The following COL13A1 variants were observed in gnomAD, a reference collection of about 807,000 sequenced individuals.
The protein encoded by COL13A1 is collagen type XIII alpha 1 chain.
In COL13A1, 89 loss-of-function variants were observed where a neutral mutation model predicts 130.9. That is an observed-to-expected ratio of 0.68 (90% confidence interval 0.57 to 0.81). COL13A1 has a LOEUF of 0.81. Among genes scored for constraint, COL13A1 ranks in the 30% least tolerant of loss-of-function variants. The probability of loss-of-function intolerance (pLI) is 0.00; values close to 1 mark genes in which losing one functional copy is unlikely to be tolerated. For synonymous variants in COL13A1, 402 were observed against 341.6 expected, an observed-to-expected ratio of 1.18 and a Z score of -1.95; for missense variants, 879 against 934.6, an observed-to-expected ratio of 0.94 and a Z score of 0.78.
chr10:69,913,331 C>T (rs957691113), intron 17 of COL13A1, among the ~76,000 whole-genome samples: 1 of 152,162 alleles, frequency 6.6e-6, no homozygotes. Context: ...TCTGGGGAGA[C>T]AAGAGGGGGC....
At chr10:69,905,065 C>T in intron 16 of COL13A1, 106 bp downstream of exon 16, 2 of 1,290,946 alleles carry the variant, frequency 1.5e-6, no homozygotes, top group South Asian at 2.7e-5. Context: ...AGAGGGATCT[C>T]AGCTGAGAGA....
At chr10:69,889,501 A>G in intron 10 of COL13A1, 61 bp downstream of exon 10, 2 of 1,588,600 alleles carry the variant, frequency 1.3e-6, no homozygotes, top group African/African-American at 1.3e-5. Context: ...CCTCACAGGC[A>G]CAGCCAAGCA....
intron 2 of COL13A1, among the ~76,000 whole-genome samples, chr10:69,835,727 G>A (rs901800217): frequency 6.6e-6 from 1 of 152,232 alleles, no homozygotes; most frequent in Non-Finnish European, 1.5e-5. Flanking sequence ...AGGGACCCAA[G>A]TGCTACCCTG....
At chr10:69,909,985 C>T (rs575250563) in intron 17 of COL13A1, among the ~76,000 whole-genome samples, 1 of 152,346 alleles carries the variant, frequency 6.6e-6, no homozygotes, top group South Asian at 2.1e-4. Flanking sequence ...TCATCAAGCC[C>T]TGTGGCCAGT....
chr10:69,860,661 C>A, intron 2 of COL13A1: 1 of 151,414 alleles, frequency 6.6e-6, no homozygotes. Context: ...GGGCATCACC[C>A]TCCATCCCCC....
intron 17 of COL13A1, among the ~76,000 whole-genome samples, chr10:69,906,878 A>G (rs2062814323): frequency 6.6e-6 from 1 of 151,938 alleles, no homozygotes; most frequent in African/African-American, 2.4e-5. Context: ...CTACAGGTGC[A>G]CACCACCATG....
intron 13 of COL13A1, 86 bp downstream of exon 13, chr10:69,895,662 C>A: frequency 6.9e-7 from 1 of 1,439,864 alleles, no homozygotes; most frequent in Non-Finnish European, 9.8e-7. Flanking sequence ...CCTGGGGTCT[C>A]CAGTTACTAA....
At chr10:69,935,239 T>C in intron 31 of COL13A1, 111 bp from the exon 32 acceptor site, 1 of 896,358 alleles carries the variant, frequency 1.1e-6, no homozygotes, top group African/African-American at 1.7e-5. Context: ...CTGGCTGACC[T>C]CCAGTGGGCA....
rs969995435 is a variant in COL13A1 at position 69,932,473 on chromosome 10, A to C, written c.1684-87A>C. 1.0e-4 allele frequency: 93 copies of C among 908,616 alleles called. 3 individuals carry two copies. The South Asian group carries it at 1.3e-3, about 13-fold the overall frequency. 56.3% of individuals were successfully genotyped at this position (908,616 alleles called of 1,614,324 possible). A position where few individuals can be genotyped will look rare whatever the true frequency, so the allele number is the denominator to read the frequency against. On this transcript the variant is annotated intron_variant, in intron 30 of 40. Coordinates refer to ENST00000645393, the MANE Select transcript of COL13A1 (RefSeq NM_001368882.1). ...TTGACCCCTAGACCAGTCACGTCCC[A>C]GTCTAGTTTGTCACAGATGTGAGGG...
chr10:69,837,243 C>A (rs981013957), intron 2 of COL13A1, among the ~76,000 whole-genome samples: 2 of 152,214 alleles, frequency 1.3e-5, no homozygotes, highest in Non-Finnish European at 2.9e-5. Flanking sequence ...CCATGGGGGA[C>A]CTTACCAATG....
At chr10:69,873,159 T>A (rs979948628) in intron 4 of COL13A1, among the ~76,000 whole-genome samples, 7 of 152,102 alleles carry the variant, frequency 4.6e-5, no homozygotes, top group Admixed American at 2.0e-4. Flanking sequence ...GTCTGCCCTG[T>A]CTCCCTGTAC....
At chr10:69,917,266 T>C (rs374164246) in intron 17 of COL13A1, 23 bp from the exon 18 acceptor site, 70 of 1,613,514 alleles carry the variant, frequency 4.3e-5, no homozygotes, top group Non-Finnish European at 5.6e-5. Context: ...CCTCTCCTCA[T>C]GCTTTCTCAT....
chr10:69,926,657 T>A (rs553266466), intron 26 of COL13A1, among the ~76,000 whole-genome samples: 1 of 150,574 alleles, frequency 6.6e-6, no homozygotes, highest in South Asian at 2.1e-4. Context: ...TATTTTGCTA[T>A]ATTGTGTCTG....
chr10:69,924,771 C>T (rs1359758887), intron 24 of COL13A1, among the ~76,000 whole-genome samples, 192 bp from the exon 25 acceptor site: 2 of 152,074 alleles, frequency 1.3e-5, no homozygotes, highest in African/African-American at 4.8e-5. Context: ...TGGGAGGCAG[C>T]CCAGAGGGAC....
At chr10:69,865,425 G>A (rs2133927447) in intron 2 of COL13A1, among the ~76,000 whole-genome samples, 1 of 152,356 alleles carries the variant, frequency 6.6e-6, no homozygotes. Context: ...TCCCAATGCA[G>A]GCCTGTTTGA....
intron 3 of COL13A1, among the ~76,000 whole-genome samples, chr10:69,871,949 C>G (rs1460036317): frequency 6.6e-6 from 1 of 152,154 alleles, no homozygotes; most frequent in African/African-American, 2.4e-5. Context: ...TAAAGGTTAC[C>G]CAAGTAGTAA....
At position 69,896,219 on chromosome 10, in the gene COL13A1, G is replaced by A. The variant is rs901988897; in HGVS notation, c.684+643G>A. ...TGAGATGGTTCCTCTGCCCACCCCCGCCTGCTCCTTCCTTTTCCTTGCTCC... is the reference window on the plus strand; with the variant it reads ...TGAGATGGTTCCTCTGCCCACCCCCACCTGCTCCTTCCTTTTCCTTGCTCC... On this transcript the variant is annotated intron_variant, in intron 13 of 40. Coordinates refer to ENST00000645393, the MANE Select transcript of COL13A1 (RefSeq NM_001368882.1). Among the ~76,000 whole-genome samples, 7 of 151,642 alleles carry A rather than the reference G, an allele frequency of 4.6e-5. No homozygotes were observed. In the East Asian group the frequency reaches 9.7e-4, roughly 21 times the overall value.
chr10:69,836,613 CTG>C (rs577667633), intron 2 of COL13A1, among the ~76,000 whole-genome samples: 1 of 152,326 alleles, frequency 6.6e-6, no homozygotes, highest in South Asian at 2.1e-4. Context: ...TGCCATCTGT[CTG>C]TGTGGCAGGT....
chr10:69,939,603 T>C (rs2067363145), intron 34 of COL13A1, among the ~76,000 whole-genome samples: 1 of 152,142 alleles, frequency 6.6e-6, no homozygotes, highest in Non-Finnish European at 1.5e-5. Flanking sequence ...TATCCTGGAG[T>C]GTTCCCCCAT....
Sources: allele counts gnomAD v4.1 joint callset (sites outside exome capture counted in the v4.1 genomes callset), GRCh38; gene constraint gnomAD v4.1.1; transcripts MANE v1.5; gene names NCBI Gene and HGNC (gene_info 2026-07-23, HGNC 2026-07-21).